PCSK5: variants seen among roughly 807,000 people sequenced by gnomAD.
PCSK5 encodes the protein prohormone convertase 5.
Under a neutral mutation model 233.2 loss-of-function variants are expected in PCSK5, and 129 were observed. The ratio of observed to expected loss-of-function variants is 0.55; its 90% CI spans 0.48 to 0.64. PCSK5 has a LOEUF of 0.64. Ranked by LOEUF, PCSK5 falls within the 30% of genes least tolerant of loss-of-function variation. The pLI, the probability that PCSK5 is intolerant of heterozygous loss-of-function variation, is 0.00. For missense variants in PCSK5, 2,076 were observed against 2,430.1 expected (o/e 0.85, Z 3.06); for synonymous variants, 825 against 879.2 (o/e 0.94, Z 1.09).
Position 76,292,248 on chromosome 9 carries a change from G to A in PCSK5, c.3158G>A (p.Cys1053Tyr). Residue 1053 changes from cysteine (C) to tyrosine (Y), a missense_variant, in exon 25 of 38, where the codon TGT becomes TAT. This residue lies in a region of PCSK5 where 1,510 missense variants were observed against 1,538.1 expected (regional missense o/e 0.98). Transcript: ENST00000674117. The stretch of plus-strand genomic sequence containing the variant: ...TTTTTTCCAGATGATCCAGGAACAT[G>A]TACATCTTGCGCTATGGGGTATTAC... Reference protein sequence around the residue: ...LGCSLDDPGTCTSCAMGYYRF... With the variant: ...LGCSLDDPGTYTSCAMGYYRF... The A allele has an allele frequency of 6.4e-7, 1 of 1,571,486 alleles. No homozygotes were observed. The highest frequency in any genetic ancestry group is 8.7e-7 in the Non-Finnish European group (1 of 1,143,570).
intron 24 of PCSK5, among the ~76,000 whole-genome samples, chr9:76,261,781 G>A (rs1827181762): frequency 6.6e-6 from 1 of 152,178 alleles, no homozygotes. Context: ...GTGAATGGGA[G>A]TTCACTCATG....
intron 24 of PCSK5, among the ~76,000 whole-genome samples, chr9:76,269,570 A>T (rs1268563795): frequency 6.6e-6 from 1 of 152,224 alleles, no homozygotes; most frequent in African/African-American, 2.4e-5. Context: ...CAGTATACAA[A>T]AGAAAGAACA....
intron 10 of PCSK5, among the ~76,000 whole-genome samples, chr9:76,137,965 T>C (rs1409220845): frequency 6.6e-6 from 1 of 152,138 alleles, no homozygotes; most frequent in Non-Finnish European, 1.5e-5. Context: ...TTCTCCCTTG[T>C]GTTCCCTAAA....
intron 24 of PCSK5, among the ~76,000 whole-genome samples, chr9:76,256,064 G>T (rs868583336): frequency 6.6e-6 from 1 of 152,192 alleles, no homozygotes; most frequent in South Asian, 2.1e-4. Context: ...GTTGTGCAAA[G>T]GTTGGTCTGC....
intron 20 of PCSK5, among the ~76,000 whole-genome samples, chr9:76,221,348 G>A (rs1313875738): frequency 6.6e-6 from 1 of 152,164 alleles, no homozygotes; most frequent in Non-Finnish European, 1.5e-5. Context: ...AAGCTACTTG[G>A]AACACTAAAG....
At chr9:76,276,967 C>T (rs1827712139) in intron 24 of PCSK5, among the ~76,000 whole-genome samples, 1 of 152,140 alleles carries the variant, frequency 6.6e-6, no homozygotes, top group Non-Finnish European at 1.5e-5. Flanking sequence ...GTGGCTCACT[C>T]CTATAATCCC....
At chr9:76,312,862 GACC>G (rs1365835657) in intron 30 of PCSK5, among the ~76,000 whole-genome samples, 6 of 152,096 alleles carry the variant, frequency 3.9e-5, no homozygotes, top group Non-Finnish European at 7.4e-5. Context: ...GCTAAGTTAA[GACC>G]AACTCCAGGA....
At chr9:75,907,455 G>T (rs755586455) in intron 1 of PCSK5, among the ~76,000 whole-genome samples, 1 of 152,188 alleles carries the variant, frequency 6.6e-6, no homozygotes, top group Non-Finnish European at 1.5e-5. Flanking sequence ...TGAGTCATTT[G>T]TGTGTGGATT....
At chr9:76,235,936 T>TA (rs1412652389) in intron 22 of PCSK5, among the ~76,000 whole-genome samples, 28 of 152,230 alleles carry the variant, frequency 1.8e-4, no homozygotes, top group Admixed American at 1.3e-4. Context: ...AATAAAAGGC[T>TA]AAAAATCCTC....
intron 20 of PCSK5, among the ~76,000 whole-genome samples, chr9:76,216,293 GC>G (rs1344758626): frequency 6.6e-6 from 1 of 152,130 alleles, no homozygotes; most frequent in Non-Finnish European, 1.5e-5. Context: ...AGATATCAAG[GC>G]ATTCAGGAAA....
intron 10 of PCSK5, among the ~76,000 whole-genome samples, chr9:76,146,493 C>T (rs1345474457): frequency 6.7e-6 from 1 of 149,756 alleles, no homozygotes; most frequent in Non-Finnish European, 1.5e-5. Context: ...CCAAGTCCAA[C>T]ATATAAATAA....
At chr9:75,922,843 T>C (rs889235401) in intron 1 of PCSK5, among the ~76,000 whole-genome samples, 2 of 152,210 alleles carry the variant, frequency 1.3e-5, no homozygotes, top group Admixed American at 6.5e-5. Flanking sequence ...TTCAACTTGC[T>C]GTGTCTTAAG....
rs574006085 is a variant in PCSK5, at chr9:76,328,089, G to A, written c.4420G>A (p.Gly1474Arg). ...GAAAGGCCTGATCATGAACCCTCGT[G>A]GGAGCTGCATGGCCAACGAGAAGTG... is the stretch of plus-strand genomic sequence containing the variant. ...CQKGLIMNPR[G>R]SCMANEKCSP... The change falls in exon 33 of 38, where the codon GGG (glycine) becomes AGG (arginine). Residue 1474 changes from glycine (G) to arginine (R), a missense_variant. Coordinates refer to ENST00000674117, the MANE Select transcript of PCSK5 (RefSeq NM_001372043.1). 846 of 1,612,814 alleles carry A rather than the reference G, an allele frequency of 5.2e-4. No individual in the cohort carries two copies. The highest frequency in any genetic ancestry group is 6.7e-4 in the Non-Finnish European group (788 of 1,179,818).
intron 24 of PCSK5, among the ~76,000 whole-genome samples, chr9:76,244,915 G>T (rs1254036407): frequency 6.6e-6 from 1 of 152,142 alleles, no homozygotes; most frequent in African/African-American, 2.4e-5. Flanking sequence ...AAGAATATTT[G>T]ATGTCAATTC....
chr9:76,358,816 TG>T lies in PCSK5; in HGVS notation c.5561del (p.Gly1854AlafsTer20). 1 of 1,612,892 alleles carries T rather than the reference TG, an allele frequency of 6.2e-7. No individual in the cohort carries two copies. Among genetic ancestry groups the T allele is most frequent in the Non-Finnish European group, 8.5e-7 (1 of 1,179,874 alleles). ...GATGATGATGATGACATCGTCTACATGGGCCAGGATGGCACAGTCTACCGGA... is the reference window on the plus strand; with the variant it reads ...GATGATGATGATGACATCGTCTACATGGCCAGGATGGCACAGTCTACCGGA... ...DEDDDDDIVY[M>X]GQDGTVYRKF... On this transcript the variant is annotated frameshift_variant, in exon 38 of 38. Coordinates refer to ENST00000674117, the MANE Select transcript of PCSK5 (RefSeq NM_001372043.1). LOFTEE classifies it high-confidence loss of function.
At chr9:75,920,406 G>C (rs13292426) in intron 1 of PCSK5, among the ~76,000 whole-genome samples, 1 of 151,790 alleles carries the variant, frequency 6.6e-6, no homozygotes, top group African/African-American at 2.4e-5. Flanking sequence ...CTCCTGCCTC[G>C]GCCTCCCAAA....
intron 12 of PCSK5, among the ~76,000 whole-genome samples, chr9:76,164,593 G>A (rs1032129430): frequency 6.6e-6 from 1 of 152,176 alleles, no homozygotes; most frequent in Non-Finnish European, 1.5e-5. Flanking sequence ...AGTCTGCGGT[G>A]AGGTCCAAGG....
chr9:75,962,548 G>T (rs1314811896), intron 2 of PCSK5, among the ~76,000 whole-genome samples: 1 of 152,224 alleles, frequency 6.6e-6, no homozygotes. Context: ...AGAACAGATA[G>T]TAGGTTTTAA....
rs1830441910 is a variant in PCSK5, at chr9:76,362,244, T to C, written c.*3322T>C. ...CTTGGAAATATTAAGAGAATCCTTG[T>C]AGACTGGAAACACACCAAAAGGCTG... On this transcript the variant is annotated 3_prime_UTR_variant, in exon 38 of 38. Coordinates refer to ENST00000674117, the MANE Select transcript of PCSK5 (RefSeq NM_001372043.1). The C allele has an allele frequency of 2.0e-5, 3 of 152,242 alleles. No individual in the cohort carries two copies. 9.4% of individuals were successfully genotyped at this position (152,242 alleles called of 1,614,324 possible).
Sources: gnomAD v4.1 joint callset for allele counts (sites outside exome capture counted in the v4.1 genomes callset) on GRCh38, gnomAD v4.1.1 for gene constraint, gnomAD v4.1.1 regional missense constraint, MANE v1.5 for transcripts, NCBI Gene and HGNC (gene_info 2026-07-23, HGNC 2026-07-21) for gene names.